The following KAZN variants were observed in gnomAD, a reference collection of about 807,000 sequenced individuals.
The protein encoded by KAZN is kazrin, periplakin interacting protein, also known as kazrin.
In KAZN, 40 loss-of-function variants were observed where a neutral mutation model predicts 87.4. The observed-to-expected ratio is 0.46, with a 90% CI of 0.36 to 0.60. KAZN has a LOEUF of 0.60. KAZN is among the 20% of genes least tolerant of loss of function. The pLI is 0.00. For missense variants in KAZN, 898 were observed against 1,073.9 expected, an observed-to-expected ratio of 0.84 and a Z score of 2.29; for synonymous variants, 466 against 458.3, an observed-to-expected ratio of 1.02 and a Z score of -0.22.
chr1:14,726,241 T>A (rs1643375930), intron 1 of KAZN, among the ~76,000 whole-genome samples: 1 of 152,194 alleles, frequency 6.6e-6, no homozygotes, highest in African/African-American at 2.4e-5. Context: ...AGCTCCCAGG[T>A]GGGCACAGAC....
rs572475142 is a variant in KAZN at position 14,617,638 on chromosome 1, T to A, written c.226+18415T>A. ...ATCCCGGTGATAAGTGCATGGGACA[T>A]ACATGCTAAGGATTCAATAAATATC... is the stretch of plus-strand genomic sequence containing the variant. On this transcript the variant is annotated intron_variant, in intron 1 of 14. Transcript: ENST00000376030. Among the ~76,000 whole-genome samples the A allele has an allele frequency of 9.5e-4, 145 of 152,296 alleles. 1 individual carries two copies. Among genetic ancestry groups the A allele is most frequent in the Middle Eastern group, 6.8e-3 (2 of 294 alleles).
At chr1:14,332,076 C>CT (rs1224833650) in intron 2 of KAZN, among the ~76,000 whole-genome samples, 5 of 152,076 alleles carry the variant, frequency 3.3e-5, no homozygotes, top group Non-Finnish European at 5.9e-5. Flanking sequence ...TCACATTCTT[C>CT]TTTTTTTATT....
chr1:14,293,798 G>A (rs1186536786), intron 2 of KAZN, among the ~76,000 whole-genome samples: 12 of 152,094 alleles, frequency 7.9e-5, no homozygotes, highest in Non-Finnish European at 1.8e-4. Context: ...TCTGAATACA[G>A]CATATAGCAT....
chr1:14,916,492 T>C (rs1209566464), intron 1 of KAZN, among the ~76,000 whole-genome samples: 3 of 152,200 alleles, frequency 2.0e-5, no homozygotes, highest in Non-Finnish European at 4.4e-5. Flanking sequence ...CTTTTAATTC[T>C]CAATAAGCTG....
intron 7 of KAZN, 134 bp from the exon 8 acceptor site, chr1:15,065,496 T>TC: frequency 5.2e-6 from 4 of 775,908 alleles, no homozygotes; most frequent in Middle Eastern, 6.0e-4. Context: ...TCCCAGCCCG[T>TC]CCCTGACCCC....
chr1:14,009,655 G>C (rs1005195067), intron 1 of KAZN, among the ~76,000 whole-genome samples: 16 of 152,200 alleles, frequency 1.1e-4, no homozygotes, highest in Admixed American at 6.5e-5. Context: ...CAGGTCAGGA[G>C]CCTAACGTGG....
chr1:14,959,809 A>T (rs1053694140), intron 1 of KAZN, among the ~76,000 whole-genome samples: 1 of 152,064 alleles, frequency 6.6e-6, no homozygotes. Flanking sequence ...GGGTGTGTCT[A>T]TCCGCCCGCA....
At chr1:14,287,738 G>C (rs1386501272) in intron 2 of KAZN, among the ~76,000 whole-genome samples, 2 of 152,208 alleles carry the variant, frequency 1.3e-5, no homozygotes, top group Non-Finnish European at 2.9e-5. Flanking sequence ...TGGTGAGAGA[G>C]GGCATCTCTG....
At position 14,601,661 on chromosome 1, in the gene KAZN, G is replaced by C. The variant is rs193088509; in HGVS notation, c.226+2438G>C. Among the ~76,000 whole-genome samples the C allele has an allele frequency of 4.5e-3, 681 of 152,278 alleles. 7 individuals are homozygous for C. Among genetic ancestry groups the C allele is most frequent in the Middle Eastern group, 0.024 (7 of 294 alleles). ...TGATTCTTCGTAATACACCTCCAGG[G>C]AGGCTCCCAGAGGCTCAGCTCCTCA... is the stretch of plus-strand genomic sequence containing the variant. On this transcript the variant is annotated intron_variant, in intron 1 of 14. Coordinates refer to ENST00000376030, the MANE Select transcript of KAZN (RefSeq NM_201628.3).
At chr1:15,079,205 C>G (rs962374556) in intron 8 of KAZN, among the ~76,000 whole-genome samples, 2 of 152,148 alleles carry the variant, frequency 1.3e-5, no homozygotes, top group African/African-American at 4.8e-5. Flanking sequence ...CGTCACAATG[C>G]CCAGTGTCCA....
intron 1 of KAZN, among the ~76,000 whole-genome samples, chr1:14,060,579 G>A (rs1180200605): frequency 6.6e-6 from 1 of 152,146 alleles, no homozygotes; most frequent in African/African-American, 2.4e-5. Flanking sequence ...CCTGAGGGCA[G>A]GGACAATGTC....
chr1:14,117,390 C>A (rs1420384245), intron 1 of KAZN, among the ~76,000 whole-genome samples: 2 of 152,148 alleles, frequency 1.3e-5, no homozygotes, highest in Non-Finnish European at 2.9e-5. Flanking sequence ...GCGCAAGCTT[C>A]TTCTGTTGAC....
At chr1:14,883,216 AC>A (rs1030391477) in intron 1 of KAZN, among the ~76,000 whole-genome samples, 3 of 151,042 alleles carry the variant, frequency 2.0e-5, no homozygotes, top group African/African-American at 7.3e-5. Context: ...AATCACTTGA[AC>A]CCAGGAGGCG....
chr1:14,682,178 G>A (rs1017872667), intron 1 of KAZN, among the ~76,000 whole-genome samples: 17 of 151,982 alleles, frequency 1.1e-4, no homozygotes, highest in Non-Finnish European at 1.6e-4. Context: ...CTTTCTCTAT[G>A]GATTTCACTG....
At chr1:14,145,358 C>T (rs1252320060) in intron 1 of KAZN, among the ~76,000 whole-genome samples, 2 of 151,944 alleles carry the variant, frequency 1.3e-5, no homozygotes, top group South Asian at 2.1e-4. Context: ...GTGGGAGGAT[C>T]GCTTGAGTCA....
intron 1 of KAZN, among the ~76,000 whole-genome samples, chr1:14,900,519 C>T (rs759642103): frequency 2.6e-5 from 4 of 151,928 alleles, no homozygotes; most frequent in Non-Finnish European, 5.9e-5. Flanking sequence ...TTTGGGAGGC[C>T]GAGGCGGGTG....
At chr1:14,262,161 C>G (rs1445440416) in intron 2 of KAZN, among the ~76,000 whole-genome samples, 1 of 152,082 alleles carries the variant, frequency 6.6e-6, no homozygotes, top group African/African-American at 2.4e-5. Context: ...CCCCTGTAAT[C>G]CCAGCACTTT....
At chr1:15,100,949 G>A (rs531103622) in intron 10 of KAZN, among the ~76,000 whole-genome samples, 1 of 152,278 alleles carries the variant, frequency 6.6e-6, no homozygotes, top group South Asian at 2.1e-4. Context: ...AGGCTTTGTG[G>A]GTCTCGGGGA....
At chr1:14,240,640 A>G (rs1302664930) in intron 2 of KAZN, among the ~76,000 whole-genome samples, 2 of 152,252 alleles carry the variant, frequency 1.3e-5, no homozygotes, top group South Asian at 4.1e-4. Flanking sequence ...AGCATCCACA[A>G]GCTCAGTCAC....
Sources: gnomAD v4.1 joint callset for allele counts (sites outside exome capture counted in the v4.1 genomes callset) on GRCh38, gnomAD v4.1.1 for gene constraint, MANE v1.5 for transcripts, NCBI Gene and HGNC (gene_info 2026-07-23, HGNC 2026-07-21) for gene names.